GRID2: variants seen among roughly 807,000 people sequenced by gnomAD.
The protein encoded by GRID2 is glutamate ionotropic receptor delta type subunit 2, also known as glutamate receptor ionotropic, delta-2.
In GRID2, 33 loss-of-function variants were observed where a neutral mutation model predicts 114.8. The ratio of observed to expected loss-of-function variants is 0.29; its 90% confidence interval spans 0.22 to 0.38. GRID2 has a LOEUF of 0.38. Ranked by LOEUF, GRID2 falls within the 10% of genes least tolerant of loss-of-function variation. The probability of loss-of-function intolerance (pLI) is 1.00; values close to 1 mark genes in which losing one functional copy is unlikely to be tolerated. For synonymous variants in GRID2, 505 were observed against 449.9 expected (o/e 1.12, Z -1.55); for missense variants, 1,184 against 1,257.7 (o/e 0.94, Z 0.89).
chr4:93,686,346 G>T (rs1726078612), intron 14 of GRID2, among the ~76,000 whole-genome samples: 2 of 151,746 alleles, frequency 1.3e-5, no homozygotes, highest in Admixed American at 1.3e-4. Flanking sequence ...CTCTTTTTCA[G>T]GTCCCATCAC....
chr4:93,516,551 C>G (rs1397304088), intron 13 of GRID2, among the ~76,000 whole-genome samples: 1 of 152,094 alleles, frequency 6.6e-6, no homozygotes, highest in African/African-American at 2.4e-5. Flanking sequence ...TTATTATACC[C>G]CATTTTCTGG....
chr4:93,394,520 C>A (rs1045658738), intron 8 of GRID2, among the ~76,000 whole-genome samples: 2 of 151,672 alleles, frequency 1.3e-5, no homozygotes, highest in East Asian at 3.9e-4. Flanking sequence ...GACTTGCCAG[C>A]CAGTATGTAG....
chr4:93,679,689 A>G lies in GRID2; in HGVS notation c.2360+53254A>G, dbSNP rs965338044. Among the ~76,000 whole-genome samples, 13 of 151,334 alleles carry G rather than the reference A, an allele frequency of 8.6e-5. 2 individuals carry two copies. Among genetic ancestry groups the G allele is most frequent in the African/African-American group, 3.2e-4 (13 of 40,882 alleles). On this transcript the variant is annotated intron_variant, in intron 14 of 15. Coordinates refer to ENST00000282020, the MANE Select transcript of GRID2 (RefSeq NM_001510.4). ...CTCCTGAATGACTACTGGGTACATA[A>G]CAAAATGAAGGCAGAAATAAAGATG...
intron 4 of GRID2, among the ~76,000 whole-genome samples, chr4:93,176,775 A>G (rs1178054750): frequency 6.6e-6 from 1 of 152,236 alleles, no homozygotes; most frequent in Admixed American, 6.5e-5. Flanking sequence ...AGTTTAACAC[A>G]GAATTCTCAG....
At chr4:93,479,516 C>G (rs1725649994) in intron 11 of GRID2, among the ~76,000 whole-genome samples, 1 of 151,980 alleles carries the variant, frequency 6.6e-6, no homozygotes, top group African/African-American at 2.4e-5. Context: ...CTAAGAAAAG[C>G]CTCAAAACCA....
intron 4 of GRID2, among the ~76,000 whole-genome samples, chr4:93,149,461 A>G (rs1292981538): frequency 6.6e-6 from 1 of 151,988 alleles, no homozygotes; most frequent in Non-Finnish European, 1.5e-5. Context: ...CTGTAGTCTC[A>G]GCTACTTGGG....
At chr4:92,680,831 C>G (rs376859959) in intron 2 of GRID2, among the ~76,000 whole-genome samples, 1 of 152,140 alleles carries the variant, frequency 6.6e-6, no homozygotes, top group African/African-American at 2.4e-5. Context: ...AATGAGATTT[C>G]TGTCCCAGAG....
intron 1 of GRID2, among the ~76,000 whole-genome samples, chr4:92,352,148 C>T (rs758310793): frequency 2.0e-5 from 3 of 151,724 alleles, no homozygotes; most frequent in Non-Finnish European, 2.9e-5. Flanking sequence ...TCCACATCCT[C>T]GGCAGCATTT....
chr4:93,049,624 A>G (rs1726501730), intron 2 of GRID2, among the ~76,000 whole-genome samples: 1 of 151,978 alleles, frequency 6.6e-6, no homozygotes, highest in South Asian at 2.1e-4. Flanking sequence ...TGCTATTTTA[A>G]GAAAACAGTG....
intron 1 of GRID2, among the ~76,000 whole-genome samples, chr4:92,310,044 A>G (rs1364660762): frequency 6.6e-6 from 1 of 152,038 alleles, no homozygotes; most frequent in East Asian, 1.9e-4. Flanking sequence ...AAATAATGTC[A>G]ACCATTGAGT....
intron 11 of GRID2, among the ~76,000 whole-genome samples, chr4:93,487,185 A>T (rs1434106250): frequency 6.6e-6 from 1 of 151,700 alleles, no homozygotes; most frequent in Non-Finnish European, 1.5e-5. Flanking sequence ...TTGTGTCTTC[A>T]CTTATTTTCC....
Position 93,411,496 on chromosome 4 carries a change from G to A in GRID2, c.1348-11275G>A, listed in dbSNP as rs549581826. Among the ~76,000 whole-genome samples, 12 of 150,632 alleles carry A rather than the reference G, an allele frequency of 8.0e-5. No individual in the cohort carries two copies. The South Asian group carries it at 1.0e-3, about 13-fold the overall frequency. On this transcript the variant is annotated intron_variant, in intron 9 of 15. Transcript: ENST00000282020. Reference sequence around the variant, plus strand: ...GTCACATAGGCTGGAGTGCAATGCCGTGGTCCTAGCTCACTGCAACCTCCG... The same window carrying A: ...GTCACATAGGCTGGAGTGCAATGCCATGGTCCTAGCTCACTGCAACCTCCG...
At chr4:93,760,489 C>T (rs992885092) in intron 14 of GRID2, among the ~76,000 whole-genome samples, 8 of 152,216 alleles carry the variant, frequency 5.3e-5, no homozygotes, top group African/African-American at 1.9e-4. Context: ...TTAAACAGGT[C>T]TCTGCTCTGC....
At chr4:92,659,488 G>A (rs1288655887) in intron 2 of GRID2, among the ~76,000 whole-genome samples, 2 of 151,460 alleles carry the variant, frequency 1.3e-5, no homozygotes, top group Admixed American at 1.3e-4. Flanking sequence ...AGCACTCAAA[G>A]ATAATTTTAT....
intron 1 of GRID2, among the ~76,000 whole-genome samples, chr4:92,576,398 C>T (rs2149197957): frequency 6.6e-6 from 1 of 152,318 alleles, no homozygotes; most frequent in East Asian, 1.9e-4. Flanking sequence ...CAGGCAGGCT[C>T]CACTCTGTTG....
intron 14 of GRID2, among the ~76,000 whole-genome samples, chr4:93,717,771 A>G (rs1351786039): frequency 9.2e-5 from 14 of 152,324 alleles, no homozygotes; most frequent in Admixed American, 6.5e-4. Context: ...AAGTGCTAAG[A>G]TAAAGAATCT....
At chr4:92,624,601 AACATT>A (rs1236936242) in intron 2 of GRID2, among the ~76,000 whole-genome samples, 3 of 151,832 alleles carry the variant, frequency 2.0e-5, no homozygotes, top group African/African-American at 7.2e-5. Context: ...CATATGAGAT[AACATT>A]ACATTTAAAC....
intron 1 of GRID2, among the ~76,000 whole-genome samples, chr4:92,459,876 A>G (rs1721394765): frequency 6.6e-6 from 1 of 150,680 alleles, no homozygotes. Flanking sequence ...AGTAGAAGAA[A>G]TCTGACCTCC....
intron 1 of GRID2, among the ~76,000 whole-genome samples, chr4:92,462,366 AGAGAAT>A (rs1721540532): frequency 6.6e-6 from 1 of 152,032 alleles, no homozygotes; most frequent in Non-Finnish European, 1.5e-5. Flanking sequence ...AAATAGTAGG[AGAGAAT>A]TAACTGCCTT....
Sources: allele counts gnomAD v4.1 joint callset (sites outside exome capture counted in the v4.1 genomes callset), GRCh38; gene constraint gnomAD v4.1.1; transcripts MANE v1.5; gene names NCBI Gene and HGNC (gene_info 2026-07-23, HGNC 2026-07-21).